FRMD4A: variants seen among roughly 807,000 people sequenced by gnomAD.
The protein encoded by FRMD4A is FERM domain containing 4A, also known as FERM domain-containing protein 4A.
FRMD4A carries 29 observed loss-of-function variants against 129.1 expected under a neutral mutation model. That is an observed-to-expected ratio of 0.22 (90% confidence interval 0.17 to 0.31). The LOEUF (loss-of-function observed/expected upper bound fraction) is 0.31, where lower values mean the gene tolerates loss of function less well. Ranked by LOEUF, FRMD4A falls within the 10% of genes least tolerant of loss-of-function variation. The pLI, the probability that FRMD4A is intolerant of heterozygous loss-of-function variation, is 1.00. For synonymous variants in FRMD4A, 634 were observed against 571.6 expected (o/e 1.11, Z -1.56); for missense variants, 1,272 against 1,375.8 (o/e 0.92, Z 1.19).
chr10:14,089,634 A>AAAC lies in FRMD4A; in HGVS notation c.46-230723_46-230722insGTT, dbSNP rs1554754924. On this transcript the variant is annotated intron_variant, in intron 2 of 24. Coordinates refer to ENST00000357447, the MANE Select transcript of FRMD4A (RefSeq NM_018027.5). ...CTTTTCAAGCAAAAAAAAAAACAAA[A>AAAC]AAAAACAAACAAAAAAAAAACAGAA... Among the ~76,000 whole-genome samples the AAAC allele has an allele frequency of 7.0e-5, 10 of 143,404 alleles. No individual in the cohort carries two copies. In the East Asian group the frequency reaches 2.6e-3, roughly 37 times the overall value. The allele number at this position is 143,404 out of a possible 152,430, so 94.1% of individuals were successfully genotyped here. A position where few individuals can be genotyped will look rare whatever the true frequency, so the allele number is the denominator to read the frequency against.
chr10:14,252,136 A>G (rs1181625304), intron 2 of FRMD4A, among the ~76,000 whole-genome samples: 2 of 152,178 alleles, frequency 1.3e-5, no homozygotes, highest in Non-Finnish European at 2.9e-5. Context: ...TTAACATTTT[A>G]TTATGTTTGT....
chr10:14,117,819 G>A (rs1248872387), intron 2 of FRMD4A, among the ~76,000 whole-genome samples: 1 of 152,184 alleles, frequency 6.6e-6, no homozygotes, highest in Non-Finnish European at 1.5e-5. Flanking sequence ...TGAGCAGAAA[G>A]GAGTCCTTGT....
At chr10:14,210,186 T>C (rs1422307297) in intron 2 of FRMD4A, among the ~76,000 whole-genome samples, 1 of 152,092 alleles carries the variant, frequency 6.6e-6, no homozygotes, top group African/African-American at 2.4e-5. Flanking sequence ...AAAGTGATGG[T>C]ATTAGGAGAT....
chr10:13,958,167 C>T (rs1306138028), intron 2 of FRMD4A, among the ~76,000 whole-genome samples: 1 of 151,944 alleles, frequency 6.6e-6, no homozygotes, highest in East Asian at 1.9e-4. Flanking sequence ...CAAAGACTGT[C>T]TCCTATCCTT....
At chr10:13,830,065 C>T (rs747034463) in intron 3 of FRMD4A, among the ~76,000 whole-genome samples, 7 of 152,200 alleles carry the variant, frequency 4.6e-5, no homozygotes, top group Non-Finnish European at 1.0e-4. Context: ...TCTCTCTCTT[C>T]CTTTCTCTTA....
At chr10:13,956,837 T>G (rs1247474616) in intron 2 of FRMD4A, among the ~76,000 whole-genome samples, 1 of 152,192 alleles carries the variant, frequency 6.6e-6, no homozygotes, top group Non-Finnish European at 1.5e-5. Context: ...ACAAAACAAA[T>G]GGGCTACTCC....
intron 18 of FRMD4A, 67 bp downstream of exon 18, chr10:13,666,030 G>C: frequency 1.1e-6 from 1 of 886,110 alleles, no homozygotes; most frequent in African/African-American, 1.6e-5. Context: ...CCACTCGTGG[G>C]ACCTGGCGTC....
chr10:14,245,995 C>G (rs765903230), intron 2 of FRMD4A, among the ~76,000 whole-genome samples: 2 of 152,146 alleles, frequency 1.3e-5, no homozygotes, highest in Non-Finnish European at 2.9e-5. Flanking sequence ...ACAGAACCTC[C>G]CTCCGTCATC....
intron 2 of FRMD4A, among the ~76,000 whole-genome samples, chr10:13,977,870 C>T (rs544872332): frequency 5.9e-5 from 9 of 152,290 alleles, no homozygotes; most frequent in African/African-American, 2.2e-4. Flanking sequence ...GTGGAAAGAC[C>T]ATGTTGTGTT....
rs899972637 is a variant in FRMD4A, at chr10:13,970,160, T to C, written c.46-111248A>G. Among the ~76,000 whole-genome samples, 9 of 152,206 alleles carry C rather than the reference T, an allele frequency of 5.9e-5. No individual in the cohort carries two copies. In the East Asian group the frequency reaches 1.7e-3, roughly 29 times the overall value. On this transcript the variant is annotated intron_variant, in intron 2 of 24. Transcript: ENST00000357447. ...CGGATGCTGGTCAAATTTGGAAGGA[T>C]TTCTCTAAAAGTTTCTTTTATATAT...
Position 13,823,316 on chromosome 10 carries a change from C to A in FRMD4A, c.112-12408G>T, listed in dbSNP as rs140922241. On this transcript the variant is annotated intron_variant, in intron 3 of 24. Coordinates refer to ENST00000357447, the MANE Select transcript of FRMD4A (RefSeq NM_018027.5). ...CCTGATGAATAGAGCAACCCCCAGA[C>A]TCCAGCCTGCTCAGGGCAATGTCAC... Among the ~76,000 whole-genome samples the A allele has an allele frequency of 8.6e-3, 1,317 of 152,320 alleles. 7 individuals carry two copies. Among genetic ancestry groups the A allele is most frequent in the Non-Finnish European group, 0.012 (821 of 68,030 alleles).
At chr10:13,794,212 T>C (rs1274342285) in intron 5 of FRMD4A, among the ~76,000 whole-genome samples, 1 of 151,922 alleles carries the variant, frequency 6.6e-6, no homozygotes, top group Non-Finnish European at 1.5e-5. Context: ...ACCAACATGG[T>C]GAAACACGGT....
At chr10:13,740,315 A>C in intron 10 of FRMD4A, 64 bp from the exon 11 acceptor site, 1 of 1,099,852 alleles carries the variant, frequency 9.1e-7, no homozygotes, top group East Asian at 2.3e-5. Flanking sequence ...GTTATTCAGC[A>C]GATCTGGTAT....
chr10:13,886,165 G>A (rs373954393), intron 2 of FRMD4A, among the ~76,000 whole-genome samples: 4 of 152,064 alleles, frequency 2.6e-5, no homozygotes, highest in South Asian at 2.1e-4. Flanking sequence ...CTGGCAACTC[G>A]CCGATTATTA....
chr10:13,781,101 G>C (rs1483645952), intron 6 of FRMD4A, among the ~76,000 whole-genome samples: 1 of 151,986 alleles, frequency 6.6e-6, no homozygotes, highest in Non-Finnish European at 1.5e-5. Context: ...CCAGGAGTTT[G>C]AGACCAGCCT....
chr10:13,678,329 G>A (rs1469336639), intron 15 of FRMD4A, among the ~76,000 whole-genome samples: 1 of 152,202 alleles, frequency 6.6e-6, no homozygotes, highest in African/African-American at 2.4e-5. Flanking sequence ...GATGGTGTCT[G>A]GGTACCAGGT....
intron 12 of FRMD4A, among the ~76,000 whole-genome samples, chr10:13,733,467 C>T (rs936680697): frequency 3.9e-5 from 6 of 152,166 alleles, no homozygotes; most frequent in Admixed American, 2.0e-4. Flanking sequence ...TGGAGTCTCG[C>T]TCTGGAGTGC....
intron 2 of FRMD4A, among the ~76,000 whole-genome samples, chr10:14,243,847 A>G (rs1844140252): frequency 6.9e-6 from 1 of 145,286 alleles, no homozygotes. Flanking sequence ...AAAAAAAAGG[A>G]GTAGTCAGCC....
chr10:13,717,505 G>A (rs2088923465), intron 12 of FRMD4A, among the ~76,000 whole-genome samples: 1 of 151,906 alleles, frequency 6.6e-6, no homozygotes, highest in Non-Finnish European at 1.5e-5. Flanking sequence ...GTAGAGATGG[G>A]GTTTCGCCAT....
Sources: allele counts gnomAD v4.1 joint callset (sites outside exome capture counted in the v4.1 genomes callset), GRCh38; gene constraint gnomAD v4.1.1; transcripts MANE v1.5; gene names NCBI Gene and HGNC (gene_info 2026-07-23, HGNC 2026-07-21).